Variants in PLPP4 observed in about 807,000 individuals in gnomAD.
The protein encoded by PLPP4 is phospholipid phosphatase 4.
A neutral mutation model predicts 32.2 loss-of-function variants in PLPP4; 20 were observed. The ratio of observed to expected loss-of-function variants is 0.62; its 90% CI spans 0.44 to 0.90. The LOEUF (loss-of-function observed/expected upper bound fraction) is 0.90, where lower values mean the gene tolerates loss of function less well. PLPP4 is among the 40% of genes least tolerant of loss of function. The pLI is 0.00. For missense variants in PLPP4, 257 were observed against 353.1 expected, an observed-to-expected ratio of 0.73 and a Z score of 2.18; for synonymous variants, 127 against 133.0, an observed-to-expected ratio of 0.95 and a Z score of 0.31.
chr10:120,487,159 A>G (rs1210787150), intron 1 of PLPP4, among the ~76,000 whole-genome samples: 5 of 152,254 alleles, frequency 3.3e-5, no homozygotes, highest in Admixed American at 2.6e-4. Flanking sequence ...AGACCTTACA[A>G]TCACAACTGC....
intron 5 of PLPP4, among the ~76,000 whole-genome samples, chr10:120,562,721 A>C (rs1848494022): frequency 6.6e-6 from 1 of 152,248 alleles, no homozygotes; most frequent in Admixed American, 6.5e-5. Context: ...TCCTGGAATT[A>C]ACCTACCTTG....
At chr10:120,584,965 A>G (rs1371327986) in intron 6 of PLPP4, among the ~76,000 whole-genome samples, 1 of 152,224 alleles carries the variant, frequency 6.6e-6, no homozygotes, top group Non-Finnish European at 1.5e-5. Context: ...CATTCTTGGA[A>G]TGGTTTGATG....
At chr10:120,526,740 G>A (rs1215197802) in intron 5 of PLPP4, among the ~76,000 whole-genome samples, 2 of 152,178 alleles carry the variant, frequency 1.3e-5, no homozygotes, top group African/African-American at 2.4e-5. Context: ...TTGAAGGAGG[G>A]GTGGAAACCT....
At chr10:120,553,100 G>A (rs543916636) in intron 5 of PLPP4, among the ~76,000 whole-genome samples, 1 of 152,332 alleles carries the variant, frequency 6.6e-6, no homozygotes, top group South Asian at 2.1e-4. Context: ...AATGAATTGA[G>A]CACTTCCAAG....
intron 5 of PLPP4, among the ~76,000 whole-genome samples, chr10:120,556,077 G>C (rs1320160251): frequency 2.0e-5 from 3 of 152,208 alleles, no homozygotes; most frequent in African/African-American, 7.2e-5. Flanking sequence ...TATTGCCAGA[G>C]ACCTGTATCA....
chr10:120,465,445 G>A (rs1448886348), intron 1 of PLPP4, among the ~76,000 whole-genome samples: 1 of 152,196 alleles, frequency 6.6e-6, no homozygotes, highest in Non-Finnish European at 1.5e-5. Context: ...CAGAAAGGAG[G>A]AACTAGTTGT....
chr10:120,539,333 G>C lies in PLPP4; in HGVS notation c.445+18238G>C, dbSNP rs151070071. Among the ~76,000 whole-genome samples the C allele has an allele frequency of 1.4e-4, 22 of 152,240 alleles. No individual in the cohort carries two copies. In the East Asian group the frequency reaches 4.2e-3, roughly 29 times the overall value. On this transcript the variant is annotated intron_variant, in intron 5 of 6. Coordinates refer to ENST00000398250, the MANE Select transcript of PLPP4 (RefSeq NM_001030059.3). The stretch of plus-strand genomic sequence containing the variant: ...AAATTCTGTGGTCTCTTTCAGCCTC[G>C]GTCTAATCAGCTTTATAAGAGGGCT...
At chr10:120,491,617 A>G (rs1844727554) in intron 1 of PLPP4, among the ~76,000 whole-genome samples, 2 of 152,224 alleles carry the variant, frequency 1.3e-5, no homozygotes, top group South Asian at 4.1e-4. Flanking sequence ...CTAATTTTGT[A>G]GCATCTCAAT....
At chr10:120,579,106 C>G (rs1227730525) in intron 6 of PLPP4, among the ~76,000 whole-genome samples, 2 of 152,172 alleles carry the variant, frequency 1.3e-5, no homozygotes, top group Non-Finnish European at 2.9e-5. Context: ...GGTGTTTGCT[C>G]CATCACTGGA....
At chr10:120,555,737 T>C (rs1274364003) in intron 5 of PLPP4, among the ~76,000 whole-genome samples, 1 of 152,230 alleles carries the variant, frequency 6.6e-6, no homozygotes, top group Non-Finnish European at 1.5e-5. Context: ...CTGCCAGCCT[T>C]GACCTTCAGC....
At chr10:120,555,583 A>T (rs1044871917) in intron 5 of PLPP4, among the ~76,000 whole-genome samples, 1 of 152,180 alleles carries the variant, frequency 6.6e-6, no homozygotes, top group African/African-American at 2.4e-5. Flanking sequence ...TTGCTTCTAA[A>T]CTGTGGCCTT....
intron 5 of PLPP4, among the ~76,000 whole-genome samples, chr10:120,530,333 T>G (rs990157227): frequency 6.6e-6 from 1 of 152,050 alleles, no homozygotes; most frequent in Non-Finnish European, 1.5e-5. Context: ...TTTTTTTTTG[T>G]TTGTTTTTTG....
Position 120,583,040 on chromosome 10 carries a change from C to CA in PLPP4, c.617-6256dup, listed in dbSNP as rs1849593979. Among the ~76,000 whole-genome samples, 3 of 151,770 alleles carry CA rather than the reference C, an allele frequency of 2.0e-5. No homozygotes were observed. In the South Asian group the frequency reaches 6.2e-4, roughly 32 times the overall value. On this transcript the variant is annotated intron_variant, in intron 6 of 6. Coordinates refer to ENST00000398250, the MANE Select transcript of PLPP4 (RefSeq NM_001030059.3). The stretch of plus-strand genomic sequence containing the variant: ...TCACTGGAAAGAATAAAAAGAACAA[C>CA]AAAAAAATCACATGCACTTGTTGAG...
At chr10:120,542,986 A>C (rs1234809393) in intron 5 of PLPP4, among the ~76,000 whole-genome samples, 1 of 152,198 alleles carries the variant, frequency 6.6e-6, no homozygotes, top group African/African-American at 2.4e-5. Context: ...GACCATGTGC[A>C]TGTAGAAGGA....
At chr10:120,569,574 A>G (rs1848839171) in intron 5 of PLPP4, among the ~76,000 whole-genome samples, 1 of 152,118 alleles carries the variant, frequency 6.6e-6, no homozygotes, top group South Asian at 2.1e-4. Context: ...CCCATTGCTC[A>G]TTTTCAAACA....
intron 2 of PLPP4, among the ~76,000 whole-genome samples, chr10:120,505,361 A>T (rs940746915): frequency 6.6e-6 from 1 of 152,224 alleles, no homozygotes; most frequent in African/African-American, 2.4e-5. Flanking sequence ...AACAGAGGAA[A>T]TATTTAAGCT....
At position 120,590,420 on chromosome 10, in the gene PLPP4, G is replaced by A. The variant is rs545549857; in HGVS notation, c.*918G>A. On this transcript the variant is annotated 3_prime_UTR_variant, in exon 7 of 7. Coordinates refer to ENST00000398250, the MANE Select transcript of PLPP4 (RefSeq NM_001030059.3). ...CAGGCTGAGAATTTTTCCCCTTTAG[G>A]ATCTGAGTTTTGCAGAGCTCTGCTC... Among the ~76,000 whole-genome samples, 4 of 152,306 alleles carry A rather than the reference G, an allele frequency of 2.6e-5. No individual in the cohort carries two copies. Among genetic ancestry groups the A allele is most frequent in the Admixed American group, 6.5e-5 (1 of 15,300 alleles).
At chr10:120,523,332 T>C (rs958920325) in intron 5 of PLPP4, among the ~76,000 whole-genome samples, 3 of 152,088 alleles carry the variant, frequency 2.0e-5, no homozygotes, top group Non-Finnish European at 4.4e-5. Context: ...CTCAAAATTC[T>C]TGTAGGCTCT....
intron 6 of PLPP4, among the ~76,000 whole-genome samples, chr10:120,577,789 G>A (rs1849290119): frequency 6.6e-6 from 1 of 152,192 alleles, no homozygotes; most frequent in Non-Finnish European, 1.5e-5. Context: ...TACCCTTGGA[G>A]TCAGCCAGGA....
Sources: gnomAD v4.1 joint callset for allele counts (sites outside exome capture counted in the v4.1 genomes callset) on GRCh38, gnomAD v4.1.1 for gene constraint, MANE v1.5 for transcripts, NCBI Gene and HGNC (gene_info 2026-07-23, HGNC 2026-07-21) for gene names.